The following COX10 variants were observed in gnomAD, a reference collection of about 807,000 sequenced individuals.
The protein encoded by COX10 is cytochrome c oxidase assembly factor heme A:farnesyltransferase COX10, also known as protoheme IX farnesyltransferase, mitochondrial.
A neutral mutation model predicts 37.3 loss-of-function variants in COX10; 27 were observed. The observed-to-expected ratio is 0.72, with a 90% CI of 0.53 to 1.00. The LOEUF (loss-of-function observed/expected upper bound fraction) is 1.00. Among genes scored for constraint, COX10 ranks in the 50% least tolerant of loss-of-function variants. The pLI is 0.00. For synonymous variants in COX10, 222 were observed against 229.1 expected, an observed-to-expected ratio of 0.97 and a Z score of 0.28; for missense variants, 475 against 563.2, an observed-to-expected ratio of 0.84 and a Z score of 1.59.
At chr17:14,097,496 G>A (rs180969585) in intron 3 of COX10, among the ~76,000 whole-genome samples, 1 of 151,812 alleles carries the variant, frequency 6.6e-6, no homozygotes, top group African/African-American at 2.4e-5. Context: ...TTGTCCCTTT[G>A]TTAGCTTTTT....
intron 3 of COX10, among the ~76,000 whole-genome samples, chr17:14,077,750 G>A (rs1014352162): frequency 1.3e-5 from 2 of 152,020 alleles, no homozygotes; most frequent in Non-Finnish European, 2.9e-5. Context: ...GCAACTTGAG[G>A]GAGACCTGGT....
intron 5 of COX10, chr17:14,177,237 G>A: frequency 1.4e-6 from 1 of 733,876 alleles, no homozygotes; most frequent in Non-Finnish European, 2.5e-6. Context: ...CTGGTGCAAG[G>A]CAGAGCTGTG....
chr17:14,122,303 G>A (rs1916246932), intron 4 of COX10, among the ~76,000 whole-genome samples: 3 of 152,124 alleles, frequency 2.0e-5, no homozygotes, highest in African/African-American at 7.2e-5. Context: ...ACCACTTTGT[G>A]ATCAGGGTCC....
chr17:14,075,355 T>C (rs915742242), intron 2 of COX10, among the ~76,000 whole-genome samples: 1 of 152,168 alleles, frequency 6.6e-6, no homozygotes, highest in African/African-American at 2.4e-5. Flanking sequence ...GACTAATGTA[T>C]GTAATTTCAA....
chr17:14,208,289 T>C lies in COX10; in HGVS notation c.*1076T>C, dbSNP rs1050216. Reference sequence around the variant, plus strand: ...GCCAGGTGTGGTCTCGGTTACCAAATACGGTTACCTGCAGCTTTTTAGTCC... The same window carrying C: ...GCCAGGTGTGGTCTCGGTTACCAAACACGGTTACCTGCAGCTTTTTAGTCC... On this transcript the variant is annotated 3_prime_UTR_variant, in exon 7 of 7. Transcript: ENST00000261643. 27,019 of 152,160 alleles carry C rather than the reference T, an allele frequency of 0.18. 2,642 individuals are homozygous for C. Among genetic ancestry groups the C allele is most frequent in the East Asian group, 0.4 (2,049 of 5,160 alleles). 9.4% of individuals were successfully genotyped at this position (152,160 alleles called of 1,614,324 possible).
chr17:14,111,533 C>A (rs559538888), intron 4 of COX10, among the ~76,000 whole-genome samples: 4 of 152,220 alleles, frequency 2.6e-5, no homozygotes, highest in African/African-American at 9.6e-5. Context: ...AGCTTTCATT[C>A]TGACTGGCCT....
chr17:14,140,997 C>G (rs1291343840), intron 4 of COX10, among the ~76,000 whole-genome samples: 3 of 151,946 alleles, frequency 2.0e-5, no homozygotes, highest in Admixed American at 2.0e-4. Flanking sequence ...GTGTCTACTG[C>G]TATTACTCAT....
intron 3 of COX10, among the ~76,000 whole-genome samples, chr17:14,099,401 A>G (rs1048245208): frequency 6.6e-6 from 1 of 152,128 alleles, no homozygotes; most frequent in Non-Finnish European, 1.5e-5. Context: ...GCTTGTTCAT[A>G]TGGTACAACT....
chr17:14,082,915 G>A (rs1370142477), intron 3 of COX10, among the ~76,000 whole-genome samples: 1 of 152,270 alleles, frequency 6.6e-6, no homozygotes, highest in African/African-American at 2.4e-5. Context: ...ACCACACTTC[G>A]AGAAAGCAAA....
chr17:14,131,809 A>G (rs893451634), intron 4 of COX10, among the ~76,000 whole-genome samples: 7 of 152,032 alleles, frequency 4.6e-5, no homozygotes, highest in African/African-American at 1.7e-4. Flanking sequence ...TGGGGTACTG[A>G]CATACACATG....
Position 14,181,120 on chromosome 17 carries a change from G to A in COX10, c.696-10869G>A, listed in dbSNP as rs377549504. Among the ~76,000 whole-genome samples, 1,285 of 152,216 alleles carry A rather than the reference G, an allele frequency of 8.4e-3. 40 individuals carry two copies. In the East Asian group the frequency reaches 0.089, roughly 11 times the overall value. On this transcript the variant is annotated intron_variant, in intron 5 of 6. Transcript: ENST00000261643. Reference sequence around the variant, plus strand: ...ACGGAGAGAGAAAATGTCCTTGGAGGAGTTTTTTGATGTCTAAGCTGAGTC... The same window carrying A: ...ACGGAGAGAGAAAATGTCCTTGGAGAAGTTTTTTGATGTCTAAGCTGAGTC...
chr17:14,156,012 G>A (rs1905033220), intron 4 of COX10, among the ~76,000 whole-genome samples: 1 of 152,090 alleles, frequency 6.6e-6, no homozygotes, highest in Non-Finnish European at 1.5e-5. Context: ...TGTGACCCTT[G>A]TCTACCTCTG....
chr17:14,157,215 C>G (rs1905059848), intron 4 of COX10, among the ~76,000 whole-genome samples: 1 of 152,148 alleles, frequency 6.6e-6, no homozygotes, highest in Admixed American at 6.5e-5. Context: ...CTACAGTTTG[C>G]CGACACCTGC....
chr17:14,134,523 A>C, intron 4 of COX10, among the ~76,000 whole-genome samples: 1 of 151,826 alleles, frequency 6.6e-6, no homozygotes, highest in East Asian at 1.9e-4. Context: ...ATAACTCTGT[A>C]AGATGCCTAA....
chr17:14,099,735 G>A (rs1186262646), intron 3 of COX10, among the ~76,000 whole-genome samples: 1 of 152,014 alleles, frequency 6.6e-6, no homozygotes, highest in Non-Finnish European at 1.5e-5. Flanking sequence ...CTCAGGCATG[G>A]CCTCTAGGCA....
At chr17:14,074,595 C>G (rs1283787119) in intron 2 of COX10, 139 bp downstream of exon 2, 1 of 847,402 alleles carries the variant, frequency 1.2e-6, no homozygotes, top group Non-Finnish European at 2.0e-6. Context: ...TAAATTTATC[C>G]AAATGTCTTG....
At chr17:14,073,604 C>G (rs950277381) in intron 1 of COX10, among the ~76,000 whole-genome samples, 1 of 152,126 alleles carries the variant, frequency 6.6e-6, no homozygotes, top group Non-Finnish European at 1.5e-5. Flanking sequence ...ACATGGATAC[C>G]TTAAGGTGGC....
chr17:14,080,999 G>T (rs1336842578), intron 3 of COX10, among the ~76,000 whole-genome samples: 1 of 152,112 alleles, frequency 6.6e-6, no homozygotes, highest in Admixed American at 6.5e-5. Context: ...TTATATTTCA[G>T]TGGAAGGAAT....
At position 14,207,176 on chromosome 17, in the gene COX10, C is replaced by G. The variant is rs573201186; in HGVS notation, c.1295C>G (p.Pro432Arg). The G allele has an allele frequency of 3.7e-6, 6 of 1,606,322 alleles. No homozygotes were observed. The highest frequency in any genetic ancestry group is 5.1e-6 in the Non-Finnish European group (6 of 1,177,580). Reference protein sequence around the residue: ...LLLLMLTCKRPSGGGDAGPPP... With the variant: ...LLLLMLTCKRRSGGGDAGPPP... ...CTGCTCATGCTCACCTGCAAGCGGC[C>G]GAGCGGAGGCGGGGACGCAGGGCCC... Residue 432 changes from proline to arginine, a missense_variant, in exon 7 of 7, where the codon CCG becomes CGG. By Grantham distance (103) the Pro-to-Arg change is moderately radical. Transcript: ENST00000261643.
Sources: gnomAD v4.1 joint callset for allele counts (sites outside exome capture counted in the v4.1 genomes callset) on GRCh38, gnomAD v4.1.1 for gene constraint, MANE v1.5 for transcripts, NCBI Gene and HGNC (gene_info 2026-07-23, HGNC 2026-07-21) for gene names.